The following DOCK8 variants were observed in gnomAD, a reference collection of about 807,000 sequenced individuals.
DOCK8 encodes the protein dedicator of cytokinesis 8.
In DOCK8, 141 loss-of-function variants were observed where a neutral mutation model predicts 245.6. The ratio of observed to expected loss-of-function variants is 0.57; its 90% confidence interval spans 0.50 to 0.66. The LOEUF is 0.66. DOCK8 is among the 30% of genes least tolerant of loss of function. The pLI, the probability that DOCK8 is intolerant of heterozygous loss-of-function variation, is 0.00. For synonymous variants in DOCK8, 1,168 were observed against 970.2 expected (o/e 1.20, Z -3.79); for missense variants, 2,965 against 2,603.4 (o/e 1.14, Z -3.02).
chr9:343,611 T>C (rs2051719299), intron 14 of DOCK8, among the ~76,000 whole-genome samples: 1 of 152,212 alleles, frequency 6.6e-6, no homozygotes, highest in African/African-American at 2.4e-5. Flanking sequence ...ATTTAATCCT[T>C]CCTGGAGCAG....
chr9:455,232 G>A (rs529688825), intron 46 of DOCK8, among the ~76,000 whole-genome samples: 11 of 152,280 alleles, frequency 7.2e-5, no homozygotes, highest in South Asian at 2.1e-4. Flanking sequence ...CAGTGGCTCC[G>A]CCTCTAATCC....
chr9:427,454 A>C (rs1243299098), intron 34 of DOCK8, among the ~76,000 whole-genome samples: 1 of 152,234 alleles, frequency 6.6e-6, no homozygotes, highest in Non-Finnish European at 1.5e-5. Flanking sequence ...TTTGTTAAGG[A>C]AAGTCATTTG....
chr9:303,203 C>T (rs997880833), intron 4 of DOCK8, among the ~76,000 whole-genome samples: 1 of 151,534 alleles, frequency 6.6e-6, no homozygotes, highest in Non-Finnish European at 1.5e-5. Flanking sequence ...GAAATTAGTT[C>T]AGTCACTATG....
chr9:280,876 C>T (rs956018871), intron 2 of DOCK8: 8 of 152,250 alleles, frequency 5.3e-5, no homozygotes, highest in South Asian at 2.1e-4. Flanking sequence ...AGCCTAGCCA[C>T]GTTGACACAT....
At chr9:270,398 T>C (rs1207153520) in intron 1 of DOCK8, among the ~76,000 whole-genome samples, 1 of 152,190 alleles carries the variant, frequency 6.6e-6, no homozygotes, top group African/African-American at 2.4e-5. Context: ...CCCACTCTTT[T>C]GATTTGTGTT....
At position 311,982 on chromosome 9, in the gene DOCK8, G is replaced by A. The variant is rs756970432; in HGVS notation, c.557G>A (p.Cys186Tyr). 1.2e-6 allele frequency: 2 copies of A among 1,614,126 alleles called. No individual in the cohort carries two copies. The highest frequency in any genetic ancestry group is 2.2e-5 in the South Asian group (2 of 91,088). The part of the protein sequence containing the change: ...QAGPRHLNVL[C>Y]DVSGKGPVTA... ...GGCCCCCGCCACTTAAACGTGCTGT[G>A]CGACGTGTCTGGGAAAGGCCCCGTC... Residue 186 changes from cysteine (C) to tyrosine (Y), a missense_variant, in exon 6 of 48, where the codon TGC becomes TAC. Physicochemically the swap from Cys to Tyr is radical, Grantham distance 194. Coordinates refer to ENST00000432829, the MANE Select transcript of DOCK8 (RefSeq NM_203447.4).
intron 1 of DOCK8, among the ~76,000 whole-genome samples, chr9:270,964 C>G (rs2048147954): frequency 6.6e-6 from 1 of 152,184 alleles, no homozygotes; most frequent in Non-Finnish European, 1.5e-5. Flanking sequence ...CACTGGCCAG[C>G]AGTCACATGC....
At chr9:243,891 A>C (rs1309558276) in intron 1 of DOCK8, among the ~76,000 whole-genome samples, 1 of 151,998 alleles carries the variant, frequency 6.6e-6, no homozygotes, top group African/African-American at 2.4e-5. Flanking sequence ...ACATGATTTT[A>C]ATGTCAGCTC....
chr9:379,283 T>G (rs962837594), intron 20 of DOCK8, among the ~76,000 whole-genome samples: 1 of 152,180 alleles, frequency 6.6e-6, no homozygotes, highest in Non-Finnish European at 1.5e-5. Context: ...CAGACATTTT[T>G]AGGTTAATCT....
intron 14 of DOCK8, among the ~76,000 whole-genome samples, chr9:345,676 C>T (rs1446917908): frequency 1.3e-5 from 2 of 152,174 alleles, no homozygotes; most frequent in East Asian, 3.9e-4. Context: ...AGTCCCCAGC[C>T]TCACCTTCCT....
Position 336,736 on chromosome 9 carries a change from A to C in DOCK8, c.1422+18A>C, listed in dbSNP as rs202137806. 10 of 1,613,816 alleles carry C rather than the reference A, an allele frequency of 6.2e-6. No homozygotes were observed. In the South Asian group the frequency reaches 1.1e-4, roughly 18 times the overall value. ...TCAAGCAGGTATCTCTTCACATTAC[A>C]GTGTGTCTGGATTTTTCCCCATACT... On this transcript the variant is annotated intron_variant, in intron 12 of 47. Coordinates refer to ENST00000432829, the MANE Select transcript of DOCK8 (RefSeq NM_203447.4).
chr9:455,497 A>G (rs548052231), intron 46 of DOCK8, among the ~76,000 whole-genome samples: 2 of 152,222 alleles, frequency 1.3e-5, no homozygotes, highest in African/African-American at 4.8e-5. Context: ...GTGACAGAGA[A>G]AGACCCTGTC....
Position 432,401 on chromosome 9 carries a change from T to C in DOCK8, c.4785+77T>C, listed in dbSNP as rs372802956. ...TATTGTGTATGTATGTATGTACATA[T>C]ATACACAATTTATATATAAATATAT... On this transcript the variant is annotated intron_variant, in intron 37 of 47. Transcript: ENST00000432829. 109 of 1,283,370 alleles carry C rather than the reference T, an allele frequency of 8.5e-5. No individual in the cohort carries two copies. In the East Asian group the frequency reaches 1.6e-3, roughly 19 times the overall value. 79.5% of individuals were successfully genotyped at this position (1,283,370 alleles called of 1,614,324 possible).
chr9:251,591 G>A (rs537974609), intron 1 of DOCK8, among the ~76,000 whole-genome samples: 2 of 152,296 alleles, frequency 1.3e-5, no homozygotes, highest in East Asian at 3.9e-4. Context: ...TGCGCCTGGT[G>A]ATAACATTTT....
chr9:223,639 G>A (rs1354545119), intron 1 of DOCK8, among the ~76,000 whole-genome samples: 5 of 150,718 alleles, frequency 3.3e-5, no homozygotes, highest in East Asian at 1.9e-4. Context: ...TTTTTTTAGG[G>A]AGAATCTGCT....
At chr9:224,133 G>A (rs998602328) in intron 1 of DOCK8, among the ~76,000 whole-genome samples, 1 of 152,116 alleles carries the variant, frequency 6.6e-6, no homozygotes, top group Non-Finnish European at 1.5e-5. Context: ...AAATTGCATG[G>A]TACTGCATAC....
At chr9:236,331 T>C (rs2047248583) in intron 1 of DOCK8, among the ~76,000 whole-genome samples, 1 of 152,226 alleles carries the variant, frequency 6.6e-6, no homozygotes, top group African/African-American at 2.4e-5. Context: ...ATTACATTTG[T>C]TTATGTATTT....
At chr9:439,851 A>AG (rs1564071176) in intron 40 of DOCK8, among the ~76,000 whole-genome samples, 2 of 152,170 alleles carry the variant, frequency 1.3e-5, no homozygotes, top group Admixed American at 6.5e-5. Flanking sequence ...TGCAGTCTGA[A>AG]GGACCATCAC....
chr9:432,554 C>T (rs1022777035), intron 37 of DOCK8, among the ~76,000 whole-genome samples: 1 of 152,112 alleles, frequency 6.6e-6, no homozygotes, highest in African/African-American at 2.4e-5. Flanking sequence ...TGCTCAGTCT[C>T]AAAACAATTA....
Sources: allele counts gnomAD v4.1 joint callset (sites outside exome capture counted in the v4.1 genomes callset), GRCh38; gene constraint gnomAD v4.1.1; transcripts MANE v1.5; gene names NCBI Gene and HGNC (gene_info 2026-07-23, HGNC 2026-07-21).